Variants in PDCD11 observed in about 807,000 individuals in gnomAD.
PDCD11 encodes protein RRP5 homolog.
A neutral mutation model predicts 198.9 loss-of-function variants in PDCD11; 97 were observed. That is an observed-to-expected ratio of 0.49 (90% CI 0.41 to 0.58). The LOEUF is 0.58. Ranked by LOEUF, PDCD11 falls within the 20% of genes least tolerant of loss-of-function variation. PDCD11 has a pLI of 0.00. For synonymous variants in PDCD11, 893 were observed against 918.0 expected (o/e 0.97, Z 0.49); for missense variants, 2,102 against 2,312.7 (o/e 0.91, Z 1.87).
intron 1 of PDCD11, among the ~76,000 whole-genome samples, chr10:103,397,778 G>A (rs2093444923): frequency 6.6e-6 from 1 of 152,196 alleles, no homozygotes; most frequent in Non-Finnish European, 1.5e-5. Flanking sequence ...ATCTCCCAGT[G>A]GTCTAGTTGA....
At chr10:103,400,263 A>G (rs558754336) in intron 2 of PDCD11, 134 bp from the exon 3 acceptor site, 20 of 317,354 alleles carry the variant, frequency 6.3e-5, no homozygotes, top group Admixed American at 3.3e-4. Context: ...TAAAGGAACA[A>G]TTGGGAGTGG....
Position 103,427,351 on chromosome 10 carries a change from A to G in PDCD11, c.3328A>G (p.Arg1110Gly). The G allele has an allele frequency of 6.2e-7, 1 of 1,613,528 alleles. No homozygotes were observed. The highest frequency in any genetic ancestry group is 1.1e-5 in the South Asian group (1 of 91,042). Reference sequence around the variant, plus strand: ...CAGGTATCTCCCAATAAGTCACCCCAGATTCGTTCGAACCATCCCGGAGCT... The same window carrying G: ...CAGGTATCTCCCAATAAGTCACCCCGGATTCGTTCGAACCATCCCGGAGCT... ...TFKYLPISHPRFVRTIPELSV... is the reference protein window; with the variant it reads ...TFKYLPISHPGFVRTIPELSV... Residue 1110 changes from arginine to glycine, a missense_variant, in exon 21 of 36, where the codon AGA becomes GGA. By Grantham distance (125) the Arg-to-Gly change is moderately radical. Transcript: ENST00000369797.
chr10:103,436,030 CTTTTTTT>C (rs912238769), intron 25 of PDCD11, among the ~76,000 whole-genome samples: 2 of 137,396 alleles, frequency 1.5e-5, no homozygotes, highest in African/African-American at 2.7e-5. Context: ...TTGTTTTTTT[CTTTTTTT>C]TTTTTTTTGA....
In PDCD11 at chr10:103,413,967, T is replaced by C. The variant is rs755950964; in HGVS notation, c.1187T>C (p.Leu396Pro). 1.7e-5 allele frequency: 27 copies of C among 1,610,018 alleles called. No homozygotes were observed. The highest frequency in any genetic ancestry group is 2.3e-5 in the Non-Finnish European group (27 of 1,177,954). ...LKDGVLAYAR[L>P]SHLSDSKNVF... ...CCTCAATCACTTGGTACTTTGCAGCTCAGCCATCTCTCTGATTCTAAGAAC... is the reference window on the plus strand; with the variant it reads ...CCTCAATCACTTGGTACTTTGCAGCCCAGCCATCTCTCTGATTCTAAGAAC... The change falls in exon 10 of 36, where the codon CTC becomes CCC. Residue 396 changes from leucine (L) to proline (P), a missense_variant and splice_region_variant. Leu to Pro is a moderately conservative substitution (Grantham distance 98, BLOSUM62 -3). Transcript: ENST00000369797.
Position 103,417,714 on chromosome 10 carries a change from G to T in PDCD11, c.1771-78G>T. 29 of 1,471,374 alleles carry T rather than the reference G, an allele frequency of 2.0e-5. No individual in the cohort carries two copies. In the East Asian group the frequency reaches 4.4e-4, roughly 22 times the overall value. 91.1% of individuals were successfully genotyped at this position (1,471,374 alleles called of 1,614,324 possible). The stretch of plus-strand genomic sequence containing the variant: ...CGGTAGATCTCCCAAGTCCTCTGCA[G>T]CAGTAGTGGAGGGCACGTTGCAGGG... On this transcript the variant is annotated intron_variant, in intron 13 of 35. Transcript: ENST00000369797.
chr10:103,434,375 T>C (rs201631809), intron 24 of PDCD11, 25 bp downstream of exon 24: 1 of 1,461,818 alleles, frequency 6.8e-7, no homozygotes, highest in East Asian at 2.3e-5. Flanking sequence ...CAGTGCCTGG[T>C]CGGGGAAGGG....
chr10:103,441,504 C>T (rs1223970927), intron 30 of PDCD11, among the ~76,000 whole-genome samples: 1 of 152,216 alleles, frequency 6.6e-6, no homozygotes, highest in Non-Finnish European at 1.5e-5. Context: ...ATCGGCCCGC[C>T]TCAGCTTCTT....
chr10:103,403,039 A>T, intron 3 of PDCD11, 79 bp from the exon 4 acceptor site: 1 of 1,336,560 alleles, frequency 7.5e-7, no homozygotes, highest in East Asian at 2.3e-5. Context: ...TTTTAAATTG[A>T]CACTAGAAGC....
chr10:103,431,462 G>A (rs1288486636), intron 21 of PDCD11, among the ~76,000 whole-genome samples: 3 of 151,966 alleles, frequency 2.0e-5, no homozygotes, highest in Non-Finnish European at 4.4e-5. Context: ...GTGTGGTGGC[G>A]GGTGCCTGTA....
chr10:103,403,298 C>A lies in PDCD11; in HGVS notation c.402+13C>A. On this transcript the variant is annotated intron_variant, in intron 4 of 35. Coordinates refer to ENST00000369797, the MANE Select transcript of PDCD11 (RefSeq NM_014976.2). ...ACAACCTCTGAAGGTAAGGGAAATC[C>A]GAATGAAGCCTGTTATTGAAAATAA... The A allele has an allele frequency of 6.2e-7, 1 of 1,603,100 alleles. No individual in the cohort carries two copies. The highest frequency in any genetic ancestry group is 1.3e-5 in the African/African-American group (1 of 74,362).
At chr10:103,412,162 C>CT (rs112740038) in intron 8 of PDCD11, among the ~76,000 whole-genome samples, 106 of 139,022 alleles carry the variant, frequency 7.6e-4, no homozygotes, top group East Asian at 1.0e-3. Flanking sequence ...GCTTGGCTAA[C>CT]TTTTTTTTTT....
chr10:103,422,490 C>T (rs1187076418), intron 17 of PDCD11, among the ~76,000 whole-genome samples: 2 of 150,902 alleles, frequency 1.3e-5, no homozygotes, highest in East Asian at 3.9e-4. Flanking sequence ...ACTGCCAGTC[C>T]AGAGTCAAAA....
At chr10:103,443,881 C>T (rs1367531445) in intron 33 of PDCD11, 34 bp from the exon 34 acceptor site, 9 of 1,607,680 alleles carry the variant, frequency 5.6e-6, no homozygotes, top group Non-Finnish European at 7.7e-6. Context: ...TGTAGTATCA[C>T]ACTCTCCTCA....
chr10:103,439,684 G>A, intron 27 of PDCD11, 62 bp from the exon 28 acceptor site: 4 of 1,605,136 alleles, frequency 2.5e-6, no homozygotes, highest in Non-Finnish European at 3.4e-6. Context: ...GAAGTCCCGA[G>A]GCCTGGTTGG....
chr10:103,432,328 A>G (rs2031971044), intron 22 of PDCD11, 94 bp downstream of exon 22: 6 of 871,290 alleles, frequency 6.9e-6, no homozygotes, highest in East Asian at 2.6e-5. Context: ...AGAGAAAGGC[A>G]TTTGAGTCTG....
chr10:103,397,913 G>A (rs973860739), intron 1 of PDCD11, among the ~76,000 whole-genome samples: 6 of 152,138 alleles, frequency 3.9e-5, no homozygotes, highest in East Asian at 1.9e-4. Flanking sequence ...TACCTGTCAA[G>A]CTTCTGTTCA....
rs746424453 is a variant in PDCD11 at position 103,434,982 on chromosome 10, G to A, written c.3845+7G>A. ...TCCCCCAGAAGGTTGTCAGGTAAGC[G>A]AAGTGTTCTTCCTCTTTTCACCTGT... On this transcript the variant is annotated splice_region_variant and intron_variant, in intron 25 of 35. Coordinates refer to ENST00000369797, the MANE Select transcript of PDCD11 (RefSeq NM_014976.2). The A allele has an allele frequency of 1.4e-5, 22 of 1,517,838 alleles. No homozygotes were observed. Among genetic ancestry groups the A allele is most frequent in the South Asian group, 3.9e-5 (3 of 76,672 alleles). The allele number at this position is 1,517,838 out of a possible 1,614,324, so 94.0% of individuals were successfully genotyped here. A position where few individuals can be genotyped will look rare whatever the true frequency, so the allele number is the denominator to read the frequency against.
chr10:103,445,517 G>A lies in PDCD11; in HGVS notation c.5584G>A (p.Val1862Met), dbSNP rs1300889866. 1.2e-6 allele frequency: 2 copies of A among 1,614,024 alleles called. No individual in the cohort carries two copies. Among genetic ancestry groups the A allele is most frequent in the Admixed American group, 1.7e-5 (1 of 60,038 alleles). ...AGTCAAGGCCAAGGCCCTGGAGTAT[G>A]TGGAGGCCAAGAGCTCAGTGCTAGA... Reference protein sequence around the residue: ...QAVKAKALEYVEAKSSVLED With the variant: ...QAVKAKALEYMEAKSSVLED The change falls in exon 36 of 36, where the codon GTG becomes ATG. Residue 1862 changes from valine (V) to methionine (M), a missense_variant. By Grantham distance (21) the Val-to-Met change is conservative (BLOSUM62 1). Transcript: ENST00000369797.
At chr10:103,398,353 A>G in intron 1 of PDCD11, 63 bp from the exon 2 acceptor site, 3 of 999,236 alleles carry the variant, frequency 3.0e-6, no homozygotes, top group Non-Finnish European at 4.8e-6. Context: ...GCCCGTTGAT[A>G]ACACCTTTCT....
Sources: gnomAD v4.1 joint callset for allele counts (sites outside exome capture counted in the v4.1 genomes callset) on GRCh38, gnomAD v4.1.1 for gene constraint, MANE v1.5 for transcripts, NCBI Gene and HGNC (gene_info 2026-07-23, HGNC 2026-07-21) for gene names.